Variants in CCP110 observed in about 807,000 individuals in gnomAD.
CCP110 encodes centriolar coiled-coil protein 110.
CCP110 carries 43 observed loss-of-function variants against 105.5 expected under a neutral mutation model. That is an observed-to-expected ratio of 0.41 (90% CI 0.32 to 0.53). The LOEUF (loss-of-function observed/expected upper bound fraction) is 0.53, where lower values mean the gene tolerates loss of function less well. Ranked by LOEUF, CCP110 falls within the 20% of genes least tolerant of loss-of-function variation. CCP110 has a pLI of 0.32. For synonymous variants in CCP110, 353 were observed against 392.1 expected, an observed-to-expected ratio of 0.90 and a Z score of 1.18; for missense variants, 1,016 against 1,189.1, an observed-to-expected ratio of 0.85 and a Z score of 2.14.
chr16:19,538,302 C>CTTTTTTTT (rs1164690143), intron 4 of CCP110, among the ~76,000 whole-genome samples: 1,118 of 55,240 alleles, frequency 0.02, 230 homozygotes, highest in African/African-American at 0.029. Context: ...GGAAACAGTT[C>CTTTTTTTT]TTTTTTTTTT....
chr16:19,536,157 G>C, exon 4 of CCP110: 1 of 1,613,908 alleles, frequency 6.2e-7, no homozygotes, highest in Non-Finnish European at 8.5e-7. Flanking sequence ...GACTTAGCTA[G>C]AGATTCAGAA....
chr16:19,524,769 A>G (rs1172037124), intron 1 of CCP110: 4 of 152,066 alleles, frequency 2.6e-5, no homozygotes, highest in Non-Finnish European at 5.9e-5. Context: ...CCCCTTTTCT[A>G]TATTTTTCAG....
intron 2 of CCP110, among the ~76,000 whole-genome samples, chr16:19,531,667 A>G (rs1249216308): frequency 6.6e-6 from 1 of 152,246 alleles, no homozygotes; most frequent in Admixed American, 6.5e-5. Context: ...TGATCCAGTG[A>G]AATAAGATAC....
At chr16:19,545,239 G>A (rs779535204) in intron 10 of CCP110, 29 bp downstream of exon 10, 63 of 1,301,622 alleles carry the variant, frequency 4.8e-5, no homozygotes, top group Non-Finnish European at 6.5e-5. Context: ...AATGAATAGA[G>A]TTCTTCTGGG....
rs1254480986 is a variant in CCP110, at chr16:19,536,085, T to C, written c.416T>C (p.Leu139Pro). Residue 139 changes from leucine to proline, a missense_variant, in exon 4 of 15, where the codon CTT becomes CCT. Leu to Pro is a moderately conservative substitution (Grantham distance 98, BLOSUM62 -3). Transcript: ENST00000381396. The stretch of plus-strand genomic sequence containing the variant: ...ACGGAACACTCTACTGCAGCAAAGC[T>C]TGATAAGATAGCTGGGATTTTGCCA... 6.2e-7 allele frequency: 1 copy of C among 1,614,116 alleles called. No homozygotes were observed. The highest frequency in any genetic ancestry group is 8.5e-7 in the Non-Finnish European group (1 of 1,180,004).
intron 11 of CCP110, chr16:19,546,104 A>C (rs1003406701): frequency 2.2e-5 from 12 of 535,742 alleles, no homozygotes; most frequent in Non-Finnish European, 3.9e-5. Context: ...GACAACATTC[A>C]ACTCATATAA....
chr16:19,533,122 ATGAAT>A (rs1567351174), intron 3 of CCP110, among the ~76,000 whole-genome samples: 1 of 152,252 alleles, frequency 6.6e-6, no homozygotes, highest in Non-Finnish European at 1.5e-5. Flanking sequence ...AGAAAAACAA[ATGAAT>A]TAGATTGAAC....
exon 2 of CCP110, chr16:19,527,926 A>G (rs145642339): frequency 2.3e-5 from 37 of 1,613,608 alleles, no homozygotes; most frequent in Non-Finnish European, 2.8e-5. Flanking sequence ...TTGCCAGAAT[A>G]CAAGAAGCAT....
At chr16:19,543,547 A>G (rs991690662) in intron 8 of CCP110, among the ~76,000 whole-genome samples, 1 of 152,210 alleles carries the variant, frequency 6.6e-6, no homozygotes, top group African/African-American at 2.4e-5. Context: ...GAAGACAACC[A>G]TAACTGACTG....
chr16:19,542,681 T>C, exon 7 of CCP110: 4 of 1,613,476 alleles, frequency 2.5e-6, no homozygotes, highest in Non-Finnish European at 3.4e-6. Flanking sequence ...CCATTCTACC[T>C]CTGGGGATCA....
chr16:19,546,333 G>A lies in CCP110; in HGVS notation c.2778-79G>A, dbSNP rs1970456971. 5.6e-5 allele frequency: 46 copies of A among 815,318 alleles called. 1 individual carries two copies. In the South Asian group the frequency reaches 7.4e-4, roughly 13 times the overall value. The allele number at this position is 815,318 out of a possible 1,614,324, so 50.5% of individuals were successfully genotyped here. A position where few individuals can be genotyped will look rare whatever the true frequency, so the allele number is the denominator to read the frequency against. ...AGCTTCTAAATGATGATTTGTTTCT[G>A]TCATCCTGTATTACATTTGTAAGCA... On this transcript the variant is annotated intron_variant, in intron 11 of 14. Coordinates refer to ENST00000381396, the Ensembl canonical transcript of CCP110.
intron 3 of CCP110, among the ~76,000 whole-genome samples, chr16:19,535,172 GC>G (rs376687011): frequency 1.6e-3 from 250 of 152,224 alleles, no homozygotes; most frequent in African/African-American, 5.5e-3. Flanking sequence ...GAGCCACCAT[GC>G]CCCGCCAGTA....
At chr16:19,540,196 A>G (rs540379516) in intron 4 of CCP110, among the ~76,000 whole-genome samples, 6 of 152,242 alleles carry the variant, frequency 3.9e-5, no homozygotes, top group Non-Finnish European at 8.8e-5. Flanking sequence ...TTTAACGTCC[A>G]GTCCTTTTTG....
chr16:19,551,947 T>A (rs906721016), exon 15 of CCP110: 1 of 152,186 alleles, frequency 6.6e-6, no homozygotes, highest in Non-Finnish European at 1.5e-5. Context: ...CTGTGACAGG[T>A]AACAAATTTG....
chr16:19,552,526 CAAA>C (rs11358961), exon 15 of CCP110: 386 of 92,750 alleles, frequency 4.2e-3, no homozygotes, highest in African/African-American at 8.6e-3. Context: ...GACACTGTCT[CAAA>C]AAAAAAAAAA....
At chr16:19,539,683 TA>T (rs1384226522) in intron 4 of CCP110, among the ~76,000 whole-genome samples, 1 of 151,662 alleles carries the variant, frequency 6.6e-6, no homozygotes, top group Non-Finnish European at 1.5e-5. Context: ...AGAGCTCTAA[TA>T]AAAACAACCA....
intron 6 of CCP110, 149 bp downstream of exon 6, chr16:19,542,213 A>T (rs1374732108): frequency 6.9e-6 from 4 of 577,772 alleles, no homozygotes; most frequent in Non-Finnish European, 1.2e-5. Flanking sequence ...GAAAAATGAC[A>T]TGATAGGAGA....
intron 2 of CCP110, among the ~76,000 whole-genome samples, chr16:19,532,167 G>A (rs1369297629): frequency 1.3e-5 from 2 of 152,070 alleles, no homozygotes; most frequent in Admixed American, 6.6e-5. Flanking sequence ...CAAATCTTAA[G>A]TGTTAAAGTT....
chr16:19,549,830 A>G (rs1248488899), intron 14 of CCP110, among the ~76,000 whole-genome samples: 1 of 152,210 alleles, frequency 6.6e-6, no homozygotes, highest in African/African-American at 2.4e-5. Flanking sequence ...ACTACTCTCC[A>G]TGTTCTTTTC....
Sources: allele counts gnomAD v4.1 joint callset (sites outside exome capture counted in the v4.1 genomes callset), GRCh38; gene constraint gnomAD v4.1.1; transcripts MANE v1.5; gene names NCBI Gene and HGNC (gene_info 2026-07-23, HGNC 2026-07-21).